MGST1: variants seen among roughly 807,000 people sequenced by gnomAD.
MGST1 encodes microsomal glutathione S-transferase 1.
MGST1 carries 5 observed loss-of-function variants against 8.9 expected under a neutral mutation model. The ratio of observed to expected loss-of-function variants is 0.56; its 90% confidence interval spans 0.29 to 1.19. The LOEUF is 1.19. Ranked by LOEUF, MGST1 falls within the 50% of genes most tolerant of loss-of-function variation. The probability of loss-of-function intolerance (pLI) is 0.08; values close to 1 mark genes in which losing one functional copy is unlikely to be tolerated. For synonymous variants in MGST1, 54 were observed against 67.8 expected (o/e 0.80, Z 1.00); for missense variants, 182 against 187.4 (o/e 0.97, Z 0.17).
intron 4 of MGST1, among the ~76,000 whole-genome samples, chr12:16,536,156 C>T (rs1417453345): frequency 2.0e-5 from 3 of 149,428 alleles, no homozygotes; most frequent in Admixed American, 1.3e-4. Flanking sequence ...TGTCTAAAGG[C>T]CAGGAATACA....
In MGST1 at chr12:16,503,917, C is replaced by G. The variant is rs1348822767; in HGVS notation, n.483-85611C>G. 6.6e-6 allele frequency among the ~76,000 whole-genome samples: 1 copy of G among 152,222 alleles called. No homozygotes were observed. The highest frequency in any genetic ancestry group is 1.5e-5 in the Non-Finnish European group (1 of 68,036). ...GCACATTGCCTATGGGGTAGCCCTGCTCTGCAAGGCACAGTACCTCCGGTG... is the reference window on the plus strand; with the variant it reads ...GCACATTGCCTATGGGGTAGCCCTGGTCTGCAAGGCACAGTACCTCCGGTG... On this transcript the variant is annotated intron_variant and non_coding_transcript_variant, in intron 4 of 4. Transcript: ENST00000538857. The surrounding 1 kb of genome is among the most constrained non-coding windows in gnomAD (Gnocchi z 4.8).
In MGST1 at chr12:16,347,924, C is replaced by T. The variant is rs1939274201; in HGVS notation, c.-23+214C>T. Reference sequence around the variant, plus strand: ...GTAAGTTTTCCCATTTCTCAAACTCCAGGAATGAAACGAGAGAGTCTTTTC... The same window carrying T: ...GTAAGTTTTCCCATTTCTCAAACTCTAGGAATGAAACGAGAGAGTCTTTTC... On this transcript the variant is annotated intron_variant, in intron 1 of 3. Coordinates refer to ENST00000396210, the MANE Select transcript of MGST1 (RefSeq NM_020300.5). This position sits in a 1 kb window ranked among gnomAD's most constrained non-coding sequence, Gnocchi z 4.0. The T allele has an allele frequency of 6.6e-6, 1 of 152,228 alleles. No homozygotes were observed. The highest frequency in any genetic ancestry group is 6.5e-5 in the Admixed American group (1 of 15,290). 9.4% of individuals were successfully genotyped at this position (152,228 alleles called of 1,614,324 possible). A position where few individuals can be genotyped will look rare whatever the true frequency, so the allele number is the denominator to read the frequency against.
At chr12:16,473,362 T>G (rs1188408629) in intron 4 of MGST1, among the ~76,000 whole-genome samples, 8 of 152,176 alleles carry the variant, frequency 5.3e-5, no homozygotes, top group Admixed American at 4.6e-4. Flanking sequence ...TCAATAGGGC[T>G]GAGATTAAGT....
chr12:16,388,997 GA>G (rs1340101757), intron 1 of MGST1, among the ~76,000 whole-genome samples: 2 of 152,210 alleles, frequency 1.3e-5, no homozygotes, highest in Non-Finnish European at 2.9e-5. Flanking sequence ...AATAGAGAAG[GA>G]ATGCTTCTTG....
intron 1 of MGST1, among the ~76,000 whole-genome samples, chr12:16,427,097 C>T (rs1239585308): frequency 6.6e-6 from 1 of 151,824 alleles, no homozygotes; most frequent in Middle Eastern, 3.2e-3. Context: ...ATTAAGTTGA[C>T]AATTTGCAGT....
intron 2 of MGST1, 49 bp from the exon 3 acceptor site, chr12:16,357,556 G>A: frequency 1.4e-6 from 2 of 1,424,504 alleles, no homozygotes; most frequent in East Asian, 4.7e-5. Flanking sequence ...GTGAGCTATT[G>A]CTCCTGGCCA....
chr12:16,359,522 T>C (rs985623125), intron 3 of MGST1, among the ~76,000 whole-genome samples: 2 of 152,114 alleles, frequency 1.3e-5, no homozygotes, highest in African/African-American at 4.8e-5. Context: ...AGAATATGGA[T>C]ATAAAATAGT....
At chr12:16,360,393 A>G (rs913066780) in intron 3 of MGST1, 8 of 984,252 alleles carry the variant, frequency 8.1e-6, no homozygotes, top group Non-Finnish European at 9.7e-6. Flanking sequence ...GTGTGCAACA[A>G]TTGTGAAAGT....
chr12:16,385,196 T>C (rs927211313), intron 1 of MGST1, among the ~76,000 whole-genome samples: 1 of 152,168 alleles, frequency 6.6e-6, no homozygotes, highest in African/African-American at 2.4e-5. Context: ...CAGTATAAAG[T>C]TCTTATTGTG....
At chr12:16,542,229 A>C (rs1158651161) in intron 4 of MGST1, among the ~76,000 whole-genome samples, 17 of 152,230 alleles carry the variant, frequency 1.1e-4, no homozygotes. Flanking sequence ...GCAAGAAAAA[A>C]AGCTATGAAA....
At chr12:16,382,332 CTGTT>C (rs976276232), upstream of MGST1, among the ~76,000 whole-genome samples, 10 of 152,120 alleles carry the variant, frequency 6.6e-5, no homozygotes, top group South Asian at 1.0e-3. Flanking sequence ...GATGTCCTTT[CTGTT>C]TGTTAGTTTT....
At position 16,560,824 on chromosome 12, in the gene MGST1, A is replaced by C. The variant is rs748830470; in HGVS notation, n.483-28704A>C. 2.3e-6 allele frequency: 1 copy of C among 436,338 alleles called. No individual in the cohort carries two copies. Among genetic ancestry groups the C allele is most frequent in the Non-Finnish European group, 4.3e-6 (1 of 231,702 alleles). 27.0% of individuals were successfully genotyped at this position (436,338 alleles called of 1,614,324 possible). On this transcript the variant is annotated intron_variant and non_coding_transcript_variant, in intron 4 of 4. Coordinates refer to the MGST1 transcript ENST00000538857. The surrounding 1 kb of genome is among the most constrained non-coding windows in gnomAD (Gnocchi z 5.0). ...AACAGAAGTCAATGGGGGTGAATTC[A>C]TAGCAAAAATCTCTGGGTTAGAGTA...
intron 4 of MGST1, among the ~76,000 whole-genome samples, chr12:16,477,382 A>T (rs1323748833): frequency 6.6e-6 from 1 of 152,188 alleles, no homozygotes; most frequent in Non-Finnish European, 1.5e-5. Flanking sequence ...ATAAAATTTC[A>T]TGTAAAATGA....
chr12:16,408,904 G>A (rs1435051683), intron 1 of MGST1, among the ~76,000 whole-genome samples: 1 of 152,066 alleles, frequency 6.6e-6, no homozygotes, highest in Non-Finnish European at 1.5e-5. Context: ...CTAACCTACT[G>A]TAAAACCCAT....
rs1181374281 is a variant in MGST1 at position 16,358,431 on chromosome 12, A to G, written c.221+732A>G. On this transcript the variant is annotated intron_variant, in intron 3 of 3. Coordinates refer to ENST00000396210, the MANE Select transcript of MGST1 (RefSeq NM_020300.5). ...GTTAATTCATTTAGGGTACTTGCCTACAGCTGCATCCATGTTGCTGCAAAG... is the reference window on the plus strand; with the variant it reads ...GTTAATTCATTTAGGGTACTTGCCTGCAGCTGCATCCATGTTGCTGCAAAG... Among the ~76,000 whole-genome samples, 3 of 150,306 alleles carry G rather than the reference A, an allele frequency of 2.0e-5. No homozygotes were observed. In the East Asian group the frequency reaches 5.8e-4, roughly 29 times the overall value.
At chr12:16,474,144 C>T (rs1026389967) in intron 4 of MGST1, among the ~76,000 whole-genome samples, 4 of 152,152 alleles carry the variant, frequency 2.6e-5, no homozygotes, top group African/African-American at 9.6e-5. Flanking sequence ...TTGTGTAATA[C>T]CAGTAAGCAT....
At chr12:16,422,167 T>G (rs1474110767) in intron 1 of MGST1, among the ~76,000 whole-genome samples, 3 of 152,162 alleles carry the variant, frequency 2.0e-5, no homozygotes, top group Non-Finnish European at 4.4e-5. Flanking sequence ...ATATCAGTGG[T>G]GATTAAGTTC....
Position 16,544,233 on chromosome 12 carries a change from C to CACACAA in MGST1, n.483-45290_483-45289insAACACA. On this transcript the variant is annotated intron_variant and non_coding_transcript_variant, in intron 4 of 4. Transcript: ENST00000538857. This position sits in a 1 kb window ranked among gnomAD's most constrained non-coding sequence, Gnocchi z 4.8. ...CTTAAGTAAGAACTACACACACACA[C>CACACAA]ACACACACACACACACACACACACA... is the stretch of plus-strand genomic sequence containing the variant. Among the ~76,000 whole-genome samples the CACACAA allele has an allele frequency of 8.9e-6, 1 of 112,032 alleles. No homozygotes were observed. The highest frequency in any genetic ancestry group is 3.1e-4 in the South Asian group (1 of 3,216). 73.5% of individuals were successfully genotyped at this position (112,032 alleles called of 152,430 possible). A position where few individuals can be genotyped will look rare whatever the true frequency, so the allele number is the denominator to read the frequency against.
intron 4 of MGST1, among the ~76,000 whole-genome samples, chr12:16,479,961 G>A (rs907155954): frequency 6.6e-6 from 1 of 152,042 alleles, no homozygotes; most frequent in Non-Finnish European, 1.5e-5. Flanking sequence ...AATATCAGGA[G>A]TCAAGAAATG....
Sources: gnomAD v4.1 joint callset for allele counts (sites outside exome capture counted in the v4.1 genomes callset) on GRCh38, gnomAD v4.1.1 for gene constraint, Gnocchi (gnomAD v3.1) non-coding constraint, MANE v1.5 for transcripts, NCBI Gene and HGNC (gene_info 2026-07-23, HGNC 2026-07-21) for gene names.